The following GYS2 variants were observed in gnomAD, a reference collection of about 807,000 sequenced individuals.
GYS2 encodes glycogen synthase 2.
In GYS2, 80 loss-of-function variants were observed where a neutral mutation model predicts 85.6. The observed-to-expected ratio is 0.93, with a 90% confidence interval of 0.78 to 1.13. The LOEUF (loss-of-function observed/expected upper bound fraction) is 1.13, where lower values mean the gene tolerates loss of function less well. Ranked by LOEUF, GYS2 falls within the 50% of genes most tolerant of loss-of-function variation. The probability of loss-of-function intolerance (pLI) is 0.00; values close to 1 mark genes in which losing one functional copy is unlikely to be tolerated. For synonymous variants in GYS2, 328 were observed against 300.7 expected, an observed-to-expected ratio of 1.09 and a Z score of -0.94; for missense variants, 881 against 854.9, an observed-to-expected ratio of 1.03 and a Z score of -0.38.
chr12:21,569,033 C>A, intron 4 of GYS2, 24 bp from the exon 5 acceptor site: 1 of 1,613,348 alleles, frequency 6.2e-7, no homozygotes, highest in Middle Eastern at 1.6e-4. Context: ...AAATAAAACA[C>A]ACATTTGCTA....
At chr12:21,541,279 AAAAAAAAAAAAAC>A (rs1241611421) in intron 13 of GYS2, among the ~76,000 whole-genome samples, 18 of 139,376 alleles carry the variant, frequency 1.3e-4, no homozygotes, top group Admixed American at 2.8e-4. Flanking sequence ...AAAAAAAAAA[AAAAAAAAAAAAAC>A]AAAAAACCCA....
At position 21,539,338 on chromosome 12, in the gene GYS2, A is replaced by AG; in HGVS notation, c.1810-1_1810insC (p.Tyr604LeufsTer17). The AG allele has an allele frequency of 1.9e-6, 3 of 1,586,180 alleles. No individual in the cohort carries two copies. Among genetic ancestry groups the AG allele is most frequent in the Non-Finnish European group, 1.7e-6 (2 of 1,154,746 alleles). ...GTCAGGTGTCTGGCATGCTGGTAAT[A>AG]CTATTGATAGAAAGCCAAATCACAG... On this transcript the variant is annotated frameshift_variant and splice_region_variant. Coordinates refer to ENST00000261195, the MANE Select transcript of GYS2 (RefSeq NM_021957.4). LOFTEE classifies it high-confidence loss of function.
At position 21,540,608 on chromosome 12, in the gene GYS2, T is replaced by G. The variant is rs1039869362; in HGVS notation, c.1646-35A>C. ...ACAAAAGCCAAAGCACAAGTAAAAG[T>G]AGGACTAACCTTAAACATTTGTTCT... On this transcript the variant is annotated intron_variant, in intron 13 of 15. Coordinates refer to ENST00000261195, the MANE Select transcript of GYS2 (RefSeq NM_021957.4). 6 of 1,581,062 alleles carry G rather than the reference T, an allele frequency of 3.8e-6. No individual in the cohort carries two copies. The African/African-American group carries it at 8.1e-5, about 21-fold the overall frequency.
intron 1 of GYS2, among the ~76,000 whole-genome samples, chr12:21,592,623 A>G (rs1259266817): frequency 1.3e-5 from 2 of 152,122 alleles, no homozygotes; most frequent in Non-Finnish European, 2.9e-5. Flanking sequence ...ACACCAGAGC[A>G]TCCAGATATG....
At chr12:21,538,790 C>A (rs763207949) in intron 15 of GYS2, among the ~76,000 whole-genome samples, 1 of 152,136 alleles carries the variant, frequency 6.6e-6, no homozygotes, top group East Asian at 1.9e-4. Context: ...TGAACATAAA[C>A]GTCTAGTTGG....
intron 10 of GYS2, among the ~76,000 whole-genome samples, chr12:21,558,628 T>C (rs892957320): frequency 1.3e-4 from 20 of 152,196 alleles, no homozygotes; most frequent in African/African-American, 4.8e-4. Context: ...AAGATGAACT[T>C]TACTGATTTC....
In GYS2 at chr12:21,560,714, A is replaced by G. The variant is rs2126884; in HGVS notation, c.1063-222T>C. 0.75 allele frequency among the ~76,000 whole-genome samples: 113,444 copies of G among 152,072 alleles called. 42,583 individuals are homozygous for G. Among genetic ancestry groups the G allele is most frequent in the South Asian group, 0.79 (3,836 of 4,826 alleles). On this transcript the variant is annotated intron_variant, in intron 7 of 15. Transcript: ENST00000261195. ...AAATTTTCAGTCTGTACTTGCCAAT[A>G]AACAAATTGACTTTCAATCAGTATT...
At chr12:21,571,647 A>G (rs889722971) in intron 4 of GYS2, among the ~76,000 whole-genome samples, 3 of 152,066 alleles carry the variant, frequency 2.0e-5, no homozygotes, top group Non-Finnish European at 2.9e-5. Context: ...TCAGATTTCC[A>G]TCTAGGAAAT....
In GYS2 at chr12:21,579,443, T is replaced by G. The variant is rs1440062565; in HGVS notation, c.303+899A>C. Among the ~76,000 whole-genome samples, 8 of 146,062 alleles carry G rather than the reference T, an allele frequency of 5.5e-5. No individual in the cohort carries two copies. In the Admixed American group the frequency reaches 5.7e-4, roughly 10 times the overall value. On this transcript the variant is annotated intron_variant, in intron 2 of 15. Transcript: ENST00000261195. ...ATCTCAGCTCATTGCAACCTCTGCC[T>G]CCTGGGTTCAAGTGATTCTCCTGCC... is the stretch of plus-strand genomic sequence containing the variant.
intron 13 of GYS2, among the ~76,000 whole-genome samples, chr12:21,541,281 A>AAC (rs1555153453): frequency 0.018 from 2,508 of 139,774 alleles, 116 homozygotes; most frequent in African/African-American, 0.061. Flanking sequence ...AAAAAAAAAA[A>AAC]AAAAAAAAAA....
chr12:21,599,634 T>G (rs1454473166), intron 1 of GYS2, among the ~76,000 whole-genome samples: 1 of 152,352 alleles, frequency 6.6e-6, no homozygotes, highest in East Asian at 1.9e-4. Context: ...CAGCTTGAGA[T>G]GCCATTGACA....
intron 4 of GYS2, among the ~76,000 whole-genome samples, chr12:21,572,726 T>G (rs11046124): frequency 0.026 from 3,886 of 152,274 alleles, 170 homozygotes; most frequent in African/African-American, 0.088. Context: ...AGGGTAAAAT[T>G]GTAATATATA....
At chr12:21,559,900 G>A (rs1944231042) in intron 8 of GYS2, among the ~76,000 whole-genome samples, 190 bp from the exon 9 acceptor site, 1 of 152,122 alleles carries the variant, frequency 6.6e-6, no homozygotes, top group African/African-American at 2.4e-5. Context: ...CTCCAGAGCT[G>A]AGGCAACAGA....
At chr12:21,549,128 A>G (rs936391622) in intron 11 of GYS2, among the ~76,000 whole-genome samples, 2 of 152,218 alleles carry the variant, frequency 1.3e-5, no homozygotes, top group Admixed American at 6.5e-5. Context: ...GAGCATGGCT[A>G]TAATTGGAAA....
At chr12:21,555,636 T>C (rs985328694) in intron 11 of GYS2, among the ~76,000 whole-genome samples, 4 of 152,156 alleles carry the variant, frequency 2.6e-5, no homozygotes, top group Admixed American at 2.6e-4. Context: ...GATCATCACA[T>C]CCAGACAATG....
chr12:21,560,175 T>C (rs1466967434), intron 8 of GYS2, among the ~76,000 whole-genome samples: 1 of 152,212 alleles, frequency 6.6e-6, no homozygotes, highest in African/African-American at 2.4e-5. Flanking sequence ...CCTTCAATGG[T>C]AGCTCATTCC....
chr12:21,589,988 C>T (rs765007624), intron 1 of GYS2, among the ~76,000 whole-genome samples: 1 of 152,096 alleles, frequency 6.6e-6, no homozygotes, highest in African/African-American at 2.4e-5. Flanking sequence ...CTGCTGTCAC[C>T]AGGGATAAAG....
chr12:21,559,193 CA>C, intron 9 of GYS2, 24 bp from the exon 10 acceptor site: 1 of 1,427,164 alleles, frequency 7.0e-7, no homozygotes, highest in Non-Finnish European at 9.9e-7. Flanking sequence ...ATGTTAATAA[CA>C]AAAATAAAAA....
At chr12:21,544,587 A>G (rs1368716966) in intron 12 of GYS2, among the ~76,000 whole-genome samples, 1 of 152,202 alleles carries the variant, frequency 6.6e-6, no homozygotes, top group African/African-American at 2.4e-5. Context: ...TCAAAAACAA[A>G]GTGTTAAGTT....
Sources: gnomAD v4.1 joint callset for allele counts (sites outside exome capture counted in the v4.1 genomes callset) on GRCh38, gnomAD v4.1.1 for gene constraint, MANE v1.5 for transcripts, NCBI Gene and HGNC (gene_info 2026-07-23, HGNC 2026-07-21) for gene names.